The following WWOX variants were observed in gnomAD, a reference collection of about 807,000 sequenced individuals.
WWOX encodes WW domain-containing oxidoreductase.
In WWOX, 69 loss-of-function variants were observed where a neutral mutation model predicts 46.2. The ratio of observed to expected loss-of-function variants is 1.49; its 90% CI spans 1.23 to 1.82. WWOX has a LOEUF of 1.82. WWOX is among the 40% of genes most tolerant of loss of function. The pLI is 0.00. For synonymous variants in WWOX, 359 were observed against 202.6 expected (o/e 1.77, Z -6.56); for missense variants, 919 against 542.6 (o/e 1.69, Z -6.89).
chr16:78,706,066 T>TTG (rs1418110079), intron 8 of WWOX, among the ~76,000 whole-genome samples: 2 of 150,256 alleles, frequency 1.3e-5, no homozygotes, highest in African/African-American at 2.5e-5. Context: ...AGGTTTTTTT[T>TTG]TTTTTTTTTT....
chr16:79,076,623 G>A (rs1027665302), intron 8 of WWOX, among the ~76,000 whole-genome samples: 4 of 152,148 alleles, frequency 2.6e-5, no homozygotes, highest in Non-Finnish European at 4.4e-5. Context: ...GATTCTATCT[G>A]TACCTACCAC....
chr16:78,576,580 C>T (rs918314305), intron 8 of WWOX, among the ~76,000 whole-genome samples: 5 of 152,166 alleles, frequency 3.3e-5, no homozygotes, highest in African/African-American at 1.2e-4. Flanking sequence ...TGCCTATAAT[C>T]CTAGCACATT....
chr16:79,137,842 T>G (rs539214026), intron 8 of WWOX, among the ~76,000 whole-genome samples: 1 of 151,998 alleles, frequency 6.6e-6, no homozygotes, highest in Non-Finnish European at 1.5e-5. Flanking sequence ...GGCCCCGTCC[T>G]GGGGAGGCTG....
chr16:78,456,827 C>T (rs774803005), intron 8 of WWOX, among the ~76,000 whole-genome samples: 15 of 152,154 alleles, frequency 9.9e-5, no homozygotes, highest in African/African-American at 1.7e-4. Flanking sequence ...ATTAACAAAC[C>T]ATGTTAACAT....
At chr16:78,615,747 A>G (rs1447765805) in intron 8 of WWOX, among the ~76,000 whole-genome samples, 2 of 151,784 alleles carry the variant, frequency 1.3e-5, no homozygotes, top group African/African-American at 2.4e-5. Flanking sequence ...GGAAATCAAT[A>G]GGATAATTTT....
intron 7 of WWOX, among the ~76,000 whole-genome samples, chr16:78,430,269 C>T (rs1304962110): frequency 6.6e-6 from 1 of 152,156 alleles, no homozygotes; most frequent in African/African-American, 2.4e-5. Context: ...CACTTATCTC[C>T]ACCTGGCTCT....
chr16:79,079,881 A>G (rs571490537), intron 8 of WWOX, among the ~76,000 whole-genome samples: 2 of 152,344 alleles, frequency 1.3e-5, no homozygotes, highest in South Asian at 4.1e-4. Context: ...TTGCACGAAT[A>G]TAGAAAATTT....
chr16:79,136,129 C>A (rs139008450), intron 8 of WWOX, among the ~76,000 whole-genome samples: 17 of 152,272 alleles, frequency 1.1e-4, no homozygotes, highest in African/African-American at 3.6e-4. Context: ...TAGTCAACGT[C>A]CAACTGCCAA....
chr16:78,593,371 C>G (rs554794999), intron 8 of WWOX, among the ~76,000 whole-genome samples: 1 of 152,118 alleles, frequency 6.6e-6, no homozygotes, highest in African/African-American at 2.4e-5. Context: ...TCCTAACTGA[C>G]AGTTTTGTCT....
chr16:78,375,679 A>G (rs542010756), intron 5 of WWOX, among the ~76,000 whole-genome samples: 5 of 152,308 alleles, frequency 3.3e-5, no homozygotes, highest in Admixed American at 6.5e-5. Flanking sequence ...AAATGTGGGT[A>G]TCTCTTGACC....
intron 8 of WWOX, among the ~76,000 whole-genome samples, chr16:78,805,427 A>ATT (rs35556452): frequency 0.02 from 2,993 of 147,698 alleles, 105 homozygotes; most frequent in African/African-American, 0.07. Flanking sequence ...CGCCTGGCTA[A>ATT]TTTTTTTTTT....
At chr16:78,926,096 G>T (rs1289702658) in intron 8 of WWOX, among the ~76,000 whole-genome samples, 1 of 152,178 alleles carries the variant, frequency 6.6e-6, no homozygotes, top group Non-Finnish European at 1.5e-5. Flanking sequence ...ACAGCCAATT[G>T]TAGAACCCTA....
Position 78,986,245 on chromosome 16 carries a change from T to C in WWOX, c.1057-225363T>C, listed in dbSNP as rs942928203. Among the ~76,000 whole-genome samples, 12 of 152,342 alleles carry C rather than the reference T, an allele frequency of 7.9e-5. 1 individual carries two copies. In the Middle Eastern group the frequency reaches 0.01, roughly 130 times the overall value. On this transcript the variant is annotated intron_variant, in intron 8 of 8. Transcript: ENST00000566780. ...CCACTGGGGATGATAGAAAAACTTA[T>C]TGAAAATAGTTAATCAGTTTTACAA... is the stretch of plus-strand genomic sequence containing the variant.
At chr16:79,047,595 G>C (rs1301242708) in intron 8 of WWOX, among the ~76,000 whole-genome samples, 1 of 151,006 alleles carries the variant, frequency 6.6e-6, no homozygotes, top group Non-Finnish European at 1.5e-5. Context: ...CAAATTTTGT[G>C]GCATAAAATA....
intron 8 of WWOX, among the ~76,000 whole-genome samples, chr16:79,032,032 A>G (rs1331979696): frequency 6.9e-6 from 1 of 145,018 alleles, no homozygotes; most frequent in Non-Finnish European, 1.5e-5. Flanking sequence ...GGGACATTCT[A>G]CACAGCTCCT....
At chr16:78,140,379 C>T (rs2033945238) in intron 4 of WWOX, among the ~76,000 whole-genome samples, 1 of 152,108 alleles carries the variant, frequency 6.6e-6, no homozygotes, top group African/African-American at 2.4e-5. Flanking sequence ...TATTAGTTTT[C>T]TGGGGCTGCT....
chr16:78,151,663 G>C (rs547077044), intron 4 of WWOX, among the ~76,000 whole-genome samples: 10 of 152,098 alleles, frequency 6.6e-5, no homozygotes, highest in African/African-American at 2.4e-4. Flanking sequence ...AATTCATAAA[G>C]GCCCATGAAT....
At chr16:78,841,924 G>C (rs2052161858) in intron 8 of WWOX, among the ~76,000 whole-genome samples, 1 of 152,140 alleles carries the variant, frequency 6.6e-6, no homozygotes, top group Non-Finnish European at 1.5e-5. Context: ...TGAGTATCCT[G>C]ATCTAATTAA....
At chr16:78,369,013 CCCTT>C (rs1394159471) in intron 5 of WWOX, among the ~76,000 whole-genome samples, 1 of 152,038 alleles carries the variant, frequency 6.6e-6, no homozygotes, top group Non-Finnish European at 1.5e-5. Flanking sequence ...TTATCTAATC[CCCTT>C]CCTTCCTCTC....
Sources: gnomAD v4.1 joint callset for allele counts (sites outside exome capture counted in the v4.1 genomes callset) on GRCh38, gnomAD v4.1.1 for gene constraint, MANE v1.5 for transcripts, NCBI Gene and HGNC (gene_info 2026-07-23, HGNC 2026-07-21) for gene names.